ATXN1: variants seen among roughly 807,000 people sequenced by gnomAD.
The protein encoded by ATXN1 is ataxin 1.
ATXN1 carries 8 observed loss-of-function variants against 56.4 expected under a neutral mutation model. The observed-to-expected ratio is 0.14, with a 90% CI of 0.08 to 0.26. The LOEUF (loss-of-function observed/expected upper bound fraction) is 0.26, where lower values mean the gene tolerates loss of function less well. Among genes scored for constraint, ATXN1 ranks in the 10% least tolerant of loss-of-function variants. The probability of loss-of-function intolerance (pLI) is 1.00; values close to 1 mark genes in which losing one functional copy is unlikely to be tolerated. For synonymous variants in ATXN1, 514 were observed against 494.6 expected, an observed-to-expected ratio of 1.04 and a Z score of -0.52; for missense variants, 987 against 1,106.5, an observed-to-expected ratio of 0.89 and a Z score of 1.53.
chr6:16,445,635 C>T (rs1449074752), intron 6 of ATXN1, among the ~76,000 whole-genome samples: 1 of 151,082 alleles, frequency 6.6e-6, no homozygotes, highest in East Asian at 1.9e-4. Context: ...ACCTCGTCAT[C>T]TAGCATTAGG....
intron 6 of ATXN1, among the ~76,000 whole-genome samples, chr6:16,380,409 G>A (rs762699626): frequency 6.6e-6 from 1 of 151,590 alleles, no homozygotes; most frequent in Non-Finnish European, 1.5e-5. Context: ...ATTCTTGTGA[G>A]TTCCTGTGTC....
At chr6:16,388,157 C>T (rs1212265645) in intron 6 of ATXN1, among the ~76,000 whole-genome samples, 2 of 152,178 alleles carry the variant, frequency 1.3e-5, no homozygotes, top group Non-Finnish European at 2.9e-5. Context: ...GAGCCTTGAC[C>T]ACTGACAGTC....
intron 3 of ATXN1, among the ~76,000 whole-genome samples, chr6:16,634,688 T>C (rs982567825): frequency 7.2e-5 from 11 of 152,232 alleles, no homozygotes; most frequent in Admixed American, 2.6e-4. Context: ...GGTCTCTCAA[T>C]TCACATGATG....
intron 4 of ATXN1, among the ~76,000 whole-genome samples, chr6:16,578,885 C>T (rs1172575437): frequency 6.6e-6 from 1 of 152,218 alleles, no homozygotes; most frequent in South Asian, 2.1e-4. Flanking sequence ...CTGAAGTCCG[C>T]ATTGTCTAAA....
At chr6:16,710,744 C>T (rs1487572904) in intron 2 of ATXN1, among the ~76,000 whole-genome samples, 3 of 149,522 alleles carry the variant, frequency 2.0e-5, no homozygotes, top group East Asian at 4.0e-4. Flanking sequence ...CATGCCACCT[C>T]ACCCAGCTGA....
At chr6:16,426,583 G>A (rs185877837) in intron 6 of ATXN1, among the ~76,000 whole-genome samples, 1 of 146,722 alleles carries the variant, frequency 6.8e-6, no homozygotes, top group African/African-American at 2.6e-5. Context: ...TGGTGGGGCC[G>A]AGTGTGTGTG....
In ATXN1 at chr6:16,303,698, T is replaced by C. The variant is rs1760171646; in HGVS notation, c.*2631A>G. ...CCATGTGTGTTTTCCCATCTTAGTG[T>C]TGGTTTAGTGGATCCAGTCAATTCA... On this transcript the variant is annotated 3_prime_UTR_variant, in exon 8 of 8. Coordinates refer to ENST00000436367, the MANE Select transcript of ATXN1 (RefSeq NM_001128164.2). The surrounding 1 kb of genome is among the most constrained non-coding windows in gnomAD (Gnocchi z 4.3). 1 of 152,654 alleles carries C rather than the reference T, an allele frequency of 6.6e-6. No homozygotes were observed. Among genetic ancestry groups the C allele is most frequent in the East Asian group, 1.9e-4 (1 of 5,194 alleles). The allele number at this position is 152,654 out of a possible 1,614,324, so 9.5% of individuals were successfully genotyped here. A position where few individuals can be genotyped will look rare whatever the true frequency, so the allele number is the denominator to read the frequency against.
Position 16,708,127 on chromosome 6 carries a change from A to G in ATXN1, c.-615+45106T>C, listed in dbSNP as rs552234027. Among the ~76,000 whole-genome samples the G allele has an allele frequency of 2.0e-5, 3 of 152,282 alleles. No individual in the cohort carries two copies. The South Asian group carries it at 6.2e-4, about 32-fold the overall frequency. ...CTAAAAGATTTTTAAAAAAGAAAAT[A>G]TAAGCAAAACTAAAAACAAAAACCA... On this transcript the variant is annotated intron_variant, in intron 2 of 7. Coordinates refer to ENST00000436367, the MANE Select transcript of ATXN1 (RefSeq NM_001128164.2).
At chr6:16,759,017 C>T (rs950797820) in intron 1 of ATXN1, among the ~76,000 whole-genome samples, 2 of 152,162 alleles carry the variant, frequency 1.3e-5, no homozygotes, top group Non-Finnish European at 2.9e-5. Flanking sequence ...TACCTTTACC[C>T]ATCAAATAAA....
intron 7 of ATXN1, among the ~76,000 whole-genome samples, chr6:16,308,726 C>G (rs1415437021): frequency 1.3e-5 from 2 of 152,026 alleles, no homozygotes; most frequent in Non-Finnish European, 2.9e-5. Context: ...CAAATAAAAG[C>G]ATTCAATTTA....
intron 4 of ATXN1, among the ~76,000 whole-genome samples, chr6:16,525,643 C>T (rs1394873704): frequency 6.6e-6 from 1 of 152,056 alleles, no homozygotes; most frequent in East Asian, 1.9e-4. Flanking sequence ...TCAATAATAA[C>T]TGTACATTTT....
At chr6:16,576,233 TCTTTA>T (rs1410284219) in intron 4 of ATXN1, among the ~76,000 whole-genome samples, 22 of 152,190 alleles carry the variant, frequency 1.4e-4, no homozygotes, top group Non-Finnish European at 5.9e-5. Flanking sequence ...TCCCTAAGTC[TCTTTA>T]CTTAATTCAA....
chr6:16,730,006 A>T (rs1759932192), intron 2 of ATXN1, among the ~76,000 whole-genome samples: 2 of 152,356 alleles, frequency 1.3e-5, no homozygotes, highest in African/African-American at 2.4e-5. Context: ...AAATTGGCCA[A>T]GCGCGATGGC....
intron 6 of ATXN1, among the ~76,000 whole-genome samples, chr6:16,455,263 G>A (rs895197107): frequency 6.6e-6 from 1 of 152,120 alleles, no homozygotes; most frequent in Non-Finnish European, 1.5e-5. Context: ...ATGGACAAAA[G>A]ACCTGACCAG....
At chr6:16,365,126 T>C (rs1282680885) in intron 6 of ATXN1, among the ~76,000 whole-genome samples, 1 of 152,198 alleles carries the variant, frequency 6.6e-6, no homozygotes, top group East Asian at 1.9e-4. Context: ...TTGTTACATA[T>C]GTATACATGT....
At chr6:16,337,480 C>T (rs190667839) in intron 6 of ATXN1, among the ~76,000 whole-genome samples, 3 of 152,316 alleles carry the variant, frequency 2.0e-5, no homozygotes, top group African/African-American at 4.8e-5. Flanking sequence ...GTGTCTCTGG[C>T]GGCCTGCCCA....
At chr6:16,485,012 A>G (rs550383759) in intron 6 of ATXN1, 1 of 147,250 alleles carries the variant, frequency 6.8e-6, no homozygotes. Context: ...CACATACATA[A>G]ACAAGAGTAT....
intron 3 of ATXN1, chr6:16,651,941 C>T (rs181548362): frequency 6.6e-6 from 1 of 152,332 alleles, no homozygotes; most frequent in East Asian, 1.9e-4. Flanking sequence ...ACGGCAAATG[C>T]CTCCCTTCAA....
At chr6:16,322,378 A>C (rs187550541) in intron 7 of ATXN1, among the ~76,000 whole-genome samples, 7 of 152,184 alleles carry the variant, frequency 4.6e-5, no homozygotes, top group Admixed American at 3.3e-4. Context: ...ACCATACTAT[A>C]TCACACTGCT....
Sources: allele counts gnomAD v4.1 joint callset (sites outside exome capture counted in the v4.1 genomes callset), GRCh38; gene constraint gnomAD v4.1.1; non-coding constraint Gnocchi (gnomAD v3.1); transcripts MANE v1.5; gene names NCBI Gene and HGNC (gene_info 2026-07-23, HGNC 2026-07-21).